Variants in DAB1 observed in about 807,000 individuals in gnomAD.
The protein encoded by DAB1 is disabled homolog 1.
Under a neutral mutation model 64.6 loss-of-function variants are expected in DAB1, and 15 were observed. That is an observed-to-expected ratio of 0.23 (90% CI 0.16 to 0.36). The LOEUF is 0.36. Among genes scored for constraint, DAB1 ranks in the 10% least tolerant of loss-of-function variants. DAB1 has a pLI of 1.00. For synonymous variants in DAB1, 235 were observed against 251.9 expected, an observed-to-expected ratio of 0.93 and a Z score of 0.64; for missense variants, 596 against 706.7, an observed-to-expected ratio of 0.84 and a Z score of 1.78.
chr1:58,531,725 T>C (rs374415760), intron 1 of DAB1, among the ~76,000 whole-genome samples: 7,322 of 148,696 alleles, frequency 0.049, 225 homozygotes, highest in African/African-American at 0.066. Context: ...TCTTTTTTTT[T>C]TTGAGACAGA....
At chr1:57,317,489 T>C (rs913964881) in intron 1 of DAB1, among the ~76,000 whole-genome samples, 2 of 152,202 alleles carry the variant, frequency 1.3e-5, no homozygotes, top group Non-Finnish European at 2.9e-5. Context: ...CTTTCAAGTA[T>C]GCTCAAAGAT....
chr1:57,678,598 A>G (rs1646596643), intron 6 of DAB1, among the ~76,000 whole-genome samples: 1 of 152,218 alleles, frequency 6.6e-6, no homozygotes, highest in Non-Finnish European at 1.5e-5. Flanking sequence ...AGACTAGGAA[A>G]AGAGGCCTGA....
At chr1:57,462,473 A>G (rs1393018383) in intron 7 of DAB1, among the ~76,000 whole-genome samples, 1 of 152,212 alleles carries the variant, frequency 6.6e-6, no homozygotes, top group Non-Finnish European at 1.5e-5. Context: ...TGCATAAAAC[A>G]CAGAACTCCA....
intron 3 of DAB1, chr1:58,506,048 G>C: frequency 1.2e-6 from 1 of 855,592 alleles, no homozygotes; most frequent in Non-Finnish European, 2.0e-6. Flanking sequence ...GCCTTCTACG[G>C]TGTCAGCTCA....
At chr1:58,097,731 A>G (rs1319756203) in intron 5 of DAB1, among the ~76,000 whole-genome samples, 3 of 152,182 alleles carry the variant, frequency 2.0e-5, no homozygotes, top group African/African-American at 7.2e-5. Context: ...AGATGGAGTT[A>G]AAGAAGTGAC....
At chr1:58,188,558 C>T (rs113179673) in intron 4 of DAB1, among the ~76,000 whole-genome samples, 2,040 of 152,212 alleles carry the variant, frequency 0.013, 37 homozygotes, top group African/African-American at 0.046. Context: ...TACTAAGATC[C>T]CATGTTTATA....
At chr1:57,573,654 T>C (rs1645217184) in intron 7 of DAB1, among the ~76,000 whole-genome samples, 1 of 152,184 alleles carries the variant, frequency 6.6e-6, no homozygotes, top group South Asian at 2.1e-4. Flanking sequence ...AAATCCGTGT[T>C]GCAATGAAGG....
intron 5 of DAB1, among the ~76,000 whole-genome samples, chr1:57,987,587 C>A (rs577542510): frequency 1.3e-5 from 2 of 152,248 alleles, no homozygotes; most frequent in East Asian, 3.9e-4. Flanking sequence ...AATGAATAAA[C>A]CATACGTGGC....
At chr1:57,067,856 T>C (rs1246585666) in intron 8 of DAB1, among the ~76,000 whole-genome samples, 1 of 152,174 alleles carries the variant, frequency 6.6e-6, no homozygotes, top group Non-Finnish European at 1.5e-5. Context: ...ACCTCTTCTT[T>C]CCATTCTACA....
At chr1:58,257,423 C>T (rs1326654598) in intron 4 of DAB1, among the ~76,000 whole-genome samples, 3 of 152,192 alleles carry the variant, frequency 2.0e-5, no homozygotes, top group Non-Finnish European at 4.4e-5. Context: ...GGGGCTATGA[C>T]TGCATGCAGG....
chr1:57,875,469 C>T (rs2101962742), intron 1 of DAB1, among the ~76,000 whole-genome samples: 1 of 152,226 alleles, frequency 6.6e-6, no homozygotes. Context: ...TAAATGCTTC[C>T]CAAGTACCTG....
intron 4 of DAB1, among the ~76,000 whole-genome samples, chr1:58,234,048 A>C (rs766119444): frequency 4.6e-5 from 7 of 152,306 alleles, no homozygotes; most frequent in Non-Finnish European, 1.0e-4. Flanking sequence ...CCACTTAGGA[A>C]ATTATACTAT....
intron 7 of DAB1, among the ~76,000 whole-genome samples, chr1:57,559,743 A>G (rs867448535): frequency 9.9e-5 from 15 of 152,204 alleles, no homozygotes; most frequent in Admixed American, 5.9e-4. Flanking sequence ...GAAACCCCAC[A>G]TCGGCTCCCT....
intron 7 of DAB1, among the ~76,000 whole-genome samples, chr1:57,495,415 CT>C (rs1258632597): frequency 6.6e-6 from 1 of 152,148 alleles, no homozygotes; most frequent in Non-Finnish European, 1.5e-5. Context: ...GTGCAAATAA[CT>C]TTTCATTTCA....
At chr1:57,873,344 A>G (rs147865386) in intron 1 of DAB1, among the ~76,000 whole-genome samples, 2 of 152,290 alleles carry the variant, frequency 1.3e-5, no homozygotes, top group African/African-American at 4.8e-5. Flanking sequence ...CTTGCTCCTT[A>G]TTCATCATCA....
chr1:57,020,421 C>T (rs916107939), intron 11 of DAB1, among the ~76,000 whole-genome samples: 4 of 152,222 alleles, frequency 2.6e-5, no homozygotes, highest in Admixed American at 1.3e-4. Flanking sequence ...ATGATCATCC[C>T]CATTAAAACG....
chr1:57,327,251 G>T (rs911745343), intron 1 of DAB1, among the ~76,000 whole-genome samples: 8 of 152,030 alleles, frequency 5.3e-5, no homozygotes, highest in Non-Finnish European at 1.2e-4. Flanking sequence ...TACACACAGA[G>T]CCCTCTTTAC....
At chr1:57,665,767 T>G (rs190238938) in intron 6 of DAB1, among the ~76,000 whole-genome samples, 3 of 152,084 alleles carry the variant, frequency 2.0e-5, no homozygotes, top group Admixed American at 2.0e-4. Context: ...CACATATACA[T>G]ACACATATTC....
At chr1:57,332,015 C>A (rs546842122) in intron 1 of DAB1, among the ~76,000 whole-genome samples, 1 of 152,110 alleles carries the variant, frequency 6.6e-6, no homozygotes, top group Non-Finnish European at 1.5e-5. Context: ...CCAGCCTAGC[C>A]GGAGTTAGTG....
Sources: gnomAD v4.1 joint callset for allele counts (sites outside exome capture counted in the v4.1 genomes callset) on GRCh38, gnomAD v4.1.1 for gene constraint, MANE v1.5 for transcripts, NCBI Gene and HGNC (gene_info 2026-07-23, HGNC 2026-07-21) for gene names.